Variants in DOCK1 observed in about 807,000 individuals in gnomAD.
DOCK1 encodes dedicator of cytokinesis 1, also known as dedicator of cytokinesis protein 1.
In DOCK1, 138 loss-of-function variants were observed where a neutral mutation model predicts 262.7. The ratio of observed to expected loss-of-function variants is 0.53; its 90% CI spans 0.46 to 0.61. DOCK1 has a LOEUF of 0.61. Ranked by LOEUF, DOCK1 falls within the 20% of genes least tolerant of loss-of-function variation. DOCK1 has a pLI of 0.00. For missense variants in DOCK1, 1,908 were observed against 2,370.7 expected, an observed-to-expected ratio of 0.80 and a Z score of 4.05; for synonymous variants, 866 against 867.4, an observed-to-expected ratio of 1.00 and a Z score of 0.03.
intron 27 of DOCK1, among the ~76,000 whole-genome samples, chr10:127,182,408 A>G (rs1279072499): frequency 1.3e-5 from 2 of 152,186 alleles, no homozygotes; most frequent in Admixed American, 6.5e-5. Context: ...GCAAGCATGC[A>G]TGCTTGGGGC....
intron 27 of DOCK1, among the ~76,000 whole-genome samples, chr10:127,154,264 A>G (rs1357931003): frequency 6.6e-6 from 1 of 152,256 alleles, no homozygotes; most frequent in Non-Finnish European, 1.5e-5. Context: ...AACCACATAC[A>G]CATATGCTGA....
chr10:126,956,171 G>A lies in DOCK1; in HGVS notation c.47-14531G>A, dbSNP rs1016521657. Reference sequence around the variant, plus strand: ...TGCTGATCTGCCTGGGAACAAGAGGGCTATGTCTGGGCCGCCTGTGCCTCA... The same window carrying A: ...TGCTGATCTGCCTGGGAACAAGAGGACTATGTCTGGGCCGCCTGTGCCTCA... On this transcript the variant is annotated intron_variant, in intron 1 of 51. Coordinates refer to ENST00000623213, the MANE Select transcript of DOCK1 (RefSeq NM_001290223.2). 4.9e-3 allele frequency among the ~76,000 whole-genome samples: 751 copies of A among 152,312 alleles called. 6 individuals carry two copies. The highest frequency in any genetic ancestry group is 0.017 in the African/African-American group (714 of 41,574).
chr10:127,299,674 C>G (rs972236179), intron 29 of DOCK1, among the ~76,000 whole-genome samples: 7 of 152,138 alleles, frequency 4.6e-5, no homozygotes, highest in African/African-American at 1.7e-4. Flanking sequence ...TTTAAGCCCC[C>G]CAGCTTGTGG....
intron 29 of DOCK1, among the ~76,000 whole-genome samples, chr10:127,307,453 C>T (rs887041203): frequency 1.2e-4 from 18 of 152,242 alleles, no homozygotes; most frequent in African/African-American, 4.1e-4. Flanking sequence ...GGAGTTCTGT[C>T]GTTCAGTCCG....
intron 46 of DOCK1, among the ~76,000 whole-genome samples, chr10:127,420,821 G>A (rs867378156): frequency 2.0e-5 from 3 of 151,020 alleles, no homozygotes; most frequent in South Asian, 4.2e-4. Flanking sequence ...CCTGGGTAAC[G>A]AGCAAAACTG....
chr10:127,308,055 T>C (rs1488344254), intron 29 of DOCK1, among the ~76,000 whole-genome samples: 10 of 152,236 alleles, frequency 6.6e-5, no homozygotes, highest in Non-Finnish European at 1.3e-4. Flanking sequence ...CTGGATGACG[T>C]TGCTGTTTCT....
intron 16 of DOCK1, among the ~76,000 whole-genome samples, chr10:127,028,958 A>C (rs2043060024): frequency 6.6e-6 from 1 of 152,224 alleles, no homozygotes; most frequent in South Asian, 2.1e-4. Flanking sequence ...GGGGTTCTGG[A>C]ATCCACAGAG....
chr10:127,142,046 A>G (rs547684603), intron 27 of DOCK1, among the ~76,000 whole-genome samples: 1 of 152,280 alleles, frequency 6.6e-6, no homozygotes, highest in South Asian at 2.1e-4. Context: ...GTGACCAGCT[A>G]CCACAGTCGC....
At chr10:127,004,754 A>G (rs1436056949) in intron 10 of DOCK1, among the ~76,000 whole-genome samples, 50 of 106,594 alleles carry the variant, frequency 4.7e-4, no homozygotes, top group African/African-American at 1.6e-3. Flanking sequence ...GTCCCCCCCA[A>G]CGGCCCCCTG....
chr10:127,266,211 G>A (rs2135120815), intron 29 of DOCK1, among the ~76,000 whole-genome samples: 1 of 152,328 alleles, frequency 6.6e-6, no homozygotes, highest in South Asian at 2.1e-4. Context: ...TATTCTTTGT[G>A]CAGGTTGAAA....
chr10:127,224,576 T>A (rs941309860), intron 27 of DOCK1, among the ~76,000 whole-genome samples: 5 of 147,376 alleles, frequency 3.4e-5, no homozygotes, highest in Admixed American at 1.4e-4. Flanking sequence ...AAAAAAAAAA[T>A]TGGTGTGGTA....
intron 23 of DOCK1, among the ~76,000 whole-genome samples, chr10:127,093,359 C>T (rs926167900): frequency 2.7e-5 from 4 of 149,266 alleles, no homozygotes; most frequent in African/African-American, 9.9e-5. Flanking sequence ...AATCCTCCTA[C>T]CTCAGCCTCC....
chr10:127,220,579 A>T lies in DOCK1; in HGVS notation c.2848-27429A>T, dbSNP rs905877272. Among the ~76,000 whole-genome samples the T allele has an allele frequency of 1.2e-4, 18 of 152,020 alleles. 1 individual carries two copies. Among genetic ancestry groups the T allele is most frequent in the Non-Finnish European group, 1.9e-4 (13 of 68,020 alleles). The stretch of plus-strand genomic sequence containing the variant: ...TGAGTGTCCTGGATTTTGTCTTGCA[A>T]CCCTAGCTGTAAAGGGAAGAAGGAG... On this transcript the variant is annotated intron_variant, in intron 27 of 51. Transcript: ENST00000623213.
chr10:127,055,772 T>G (rs1414837679), intron 22 of DOCK1, among the ~76,000 whole-genome samples: 2 of 152,218 alleles, frequency 1.3e-5, no homozygotes, highest in Non-Finnish European at 2.9e-5. Context: ...AAGTATCTCT[T>G]TAGGCCCTAA....
intron 39 of DOCK1, 71 bp downstream of exon 39, chr10:127,403,215 C>G: frequency 1.4e-6 from 2 of 1,473,578 alleles, no homozygotes; most frequent in African/African-American, 1.4e-5. Flanking sequence ...ATCTCTCTTT[C>G]CATGTCAATG....
intron 1 of DOCK1, among the ~76,000 whole-genome samples, chr10:126,926,976 A>G (rs1322754200): frequency 6.6e-6 from 1 of 152,204 alleles, no homozygotes; most frequent in Non-Finnish European, 1.5e-5. Context: ...AGTCGTAGAA[A>G]TGCAGTTGAG....
intron 27 of DOCK1, among the ~76,000 whole-genome samples, chr10:127,192,232 A>G (rs1159584885): frequency 2.0e-5 from 3 of 152,226 alleles, no homozygotes; most frequent in Non-Finnish European, 4.4e-5. Context: ...CTTTGAATAA[A>G]CAGTTCAGTG....
chr10:127,103,704 G>T (rs1047494475), intron 23 of DOCK1, among the ~76,000 whole-genome samples: 1 of 152,188 alleles, frequency 6.6e-6, no homozygotes, highest in Non-Finnish European at 1.5e-5. Context: ...AGTGCAGCCT[G>T]TTCCGTGCTT....
chr10:127,086,717 G>A (rs189307578), intron 23 of DOCK1, among the ~76,000 whole-genome samples: 9 of 152,204 alleles, frequency 5.9e-5, no homozygotes, highest in Non-Finnish European at 1.3e-4. Context: ...TCAGATTGAC[G>A]TAAAATGATG....
Sources: gnomAD v4.1 joint callset for allele counts (sites outside exome capture counted in the v4.1 genomes callset) on GRCh38, gnomAD v4.1.1 for gene constraint, MANE v1.5 for transcripts, NCBI Gene and HGNC (gene_info 2026-07-23, HGNC 2026-07-21) for gene names.